The following GPR155 variants were observed in gnomAD, a reference collection of about 807,000 sequenced individuals.
GPR155 encodes G protein-coupled receptor 155.
Under a neutral mutation model 93.1 loss-of-function variants are expected in GPR155, and 65 were observed. That is an observed-to-expected ratio of 0.70 (90% CI 0.57 to 0.86). The LOEUF is 0.86. GPR155 is among the 40% of genes least tolerant of loss of function. The pLI is 0.00. For synonymous variants in GPR155, 319 were observed against 360.1 expected, an observed-to-expected ratio of 0.89 and a Z score of 1.29; for missense variants, 838 against 1,034.8, an observed-to-expected ratio of 0.81 and a Z score of 2.61.
chr2:174,447,466 ATTATG>A lies in GPR155; in HGVS notation c.1877-724_1877-720del, dbSNP rs986245185. ...ATATATAATTATATAACAATTATAT[ATTATG>A]TTATAAATGTATATTATATATCAGT... On this transcript the variant is annotated intron_variant, in intron 11 of 15. Coordinates refer to ENST00000392552, the MANE Select transcript of GPR155 (RefSeq NM_152529.7). 2.9e-3 allele frequency among the ~76,000 whole-genome samples: 426 copies of A among 146,338 alleles called. 2 individuals carry two copies. The highest frequency in any genetic ancestry group is 9.6e-3 in the African/African-American group (392 of 40,660).
chr2:174,478,506 C>T (rs1047536332), intron 2 of GPR155, among the ~76,000 whole-genome samples: 3 of 152,198 alleles, frequency 2.0e-5, no homozygotes, highest in African/African-American at 4.8e-5. Context: ...AGGCATGAGC[C>T]ACCATGTCCA....
chr2:174,483,812 C>T (rs1688397410), intron 1 of GPR155, among the ~76,000 whole-genome samples: 1 of 152,058 alleles, frequency 6.6e-6, no homozygotes, highest in South Asian at 2.1e-4. Flanking sequence ...CTCAAACTCC[C>T]AACCTCAGGT....
At chr2:174,484,190 T>C (rs1399724648) in intron 1 of GPR155, among the ~76,000 whole-genome samples, 2 of 152,226 alleles carry the variant, frequency 1.3e-5, no homozygotes, top group African/African-American at 2.4e-5. Context: ...GTGGTCAATA[T>C]AGTACATGAA....
intron 15 of GPR155, among the ~76,000 whole-genome samples, chr2:174,437,772 C>T (rs565050288): frequency 2.0e-5 from 3 of 151,488 alleles, no homozygotes; most frequent in East Asian, 2.0e-4. Context: ...TTAGTAGAGA[C>T]GGGATTTCTC....
At chr2:174,449,757 C>T (rs746508331) in intron 11 of GPR155, among the ~76,000 whole-genome samples, 14 of 152,154 alleles carry the variant, frequency 9.2e-5, no homozygotes, top group Non-Finnish European at 1.6e-4. Flanking sequence ...GGGCAGATCA[C>T]CTGAGGTCAG....
Position 174,445,238 on chromosome 2 carries a change from A to G in GPR155, c.2014-62T>C, listed in dbSNP as rs1023376702. The G allele has an allele frequency of 8.2e-5, 64 of 782,748 alleles. No individual in the cohort carries two copies. In the African/African-American group the frequency reaches 9.4e-4, roughly 12 times the overall value. 48.5% of individuals were successfully genotyped at this position (782,748 alleles called of 1,614,324 possible). On this transcript the variant is annotated intron_variant, in intron 12 of 15. Coordinates refer to ENST00000392552, the MANE Select transcript of GPR155 (RefSeq NM_152529.7). ...GCAAGCTGATAATTCCTCTCCATCC[A>G]CAGCATAGTACAATAACTTACCTAC...
intron 7 of GPR155, among the ~76,000 whole-genome samples, chr2:174,463,178 G>A (rs1474061282): frequency 1.4e-5 from 2 of 146,626 alleles, no homozygotes; most frequent in Non-Finnish European, 3.0e-5. Flanking sequence ...CAACCAACAT[G>A]CAGTCTCATG....
At chr2:174,457,468 T>G (rs577795880) in intron 10 of GPR155, among the ~76,000 whole-genome samples, 26 of 152,278 alleles carry the variant, frequency 1.7e-4, no homozygotes, top group African/African-American at 5.8e-4. Context: ...TGTCTTAGAC[T>G]TTTTTTGAGA....
intron 15 of GPR155, among the ~76,000 whole-genome samples, chr2:174,439,680 T>C (rs1401412898): frequency 6.6e-6 from 1 of 152,208 alleles, no homozygotes; most frequent in Admixed American, 6.5e-5. Flanking sequence ...AGAAGTTATA[T>C]GACATTTTTA....
In GPR155 at chr2:174,472,979, G is replaced by T; in HGVS notation, c.846C>A (p.Leu282=). The T allele has an allele frequency of 6.3e-7, 1 of 1,584,536 alleles. No homozygotes were observed. ...GTGATGCTTACAGTTTAGCTGTGAT[G>T]AGAAGAATTAGTACTACAAATGCCG... ...KKSAFVVLIL[L]ITAKLLVLPL... Residue 282 remains leucine (L), a synonymous_variant, in exon 3 of 16, where the codon CTC becomes CTA. Coordinates refer to ENST00000392552, the MANE Select transcript of GPR155 (RefSeq NM_152529.7).
At chr2:174,485,560 GC>G (rs1688452546) in intron 1 of GPR155, among the ~76,000 whole-genome samples, 1 of 148,048 alleles carries the variant, frequency 6.8e-6, no homozygotes, top group Non-Finnish European at 1.5e-5. Context: ...TCCTGCCATT[GC>G]CCTCCAGCCT....
chr2:174,446,739 A>G lies in GPR155; in HGVS notation c.1885T>C (p.Cys629Arg). Residue 629 changes from cysteine to arginine, a missense_variant, in exon 12 of 16, where the codon TGT becomes CGT. By Grantham distance (180) the Cys-to-Arg change is radical. Coordinates refer to ENST00000392552, the MANE Select transcript of GPR155 (RefSeq NM_152529.7). ...CTCTGGGAGTTACAGCGACTCACAC[A>G]ATGATTGTCTATAAAAGAGTAAGCA... is the stretch of plus-strand genomic sequence containing the variant. The part of the protein sequence containing the change: ...VIPSFEKNNH[C>R]VSRCNSQSCI... 3 of 1,613,758 alleles carry G rather than the reference A, an allele frequency of 1.9e-6. No homozygotes were observed. The highest frequency in any genetic ancestry group is 2.5e-6 in the Non-Finnish European group (3 of 1,179,842).
At position 174,476,177 on chromosome 2, in the gene GPR155, C is replaced by A. The variant is rs545807237; in HGVS notation, c.461-2813G>T. ...AAAATTAGATTACTTCATGTGTTTA[C>A]CAACCAACATTCTCTTGGATTTTCT... On this transcript the variant is annotated intron_variant, in intron 2 of 15. Transcript: ENST00000392552. Among the ~76,000 whole-genome samples the A allele has an allele frequency of 2.2e-4, 33 of 152,306 alleles. No homozygotes were observed. The South Asian group carries it at 5.4e-3, about 25-fold the overall frequency.
chr2:174,483,390 C>T (rs1688385612), intron 1 of GPR155, among the ~76,000 whole-genome samples: 1 of 151,918 alleles, frequency 6.6e-6, no homozygotes, highest in Admixed American at 6.6e-5. Flanking sequence ...TTAAAAAATA[C>T]AAAATGTTTT....
intron 10 of GPR155, among the ~76,000 whole-genome samples, chr2:174,458,583 C>T (rs886600155): frequency 7.2e-5 from 11 of 152,172 alleles, no homozygotes; most frequent in Non-Finnish European, 1.0e-4. Flanking sequence ...TTGGCCTCTC[C>T]TGTTTATCCA....
intron 11 of GPR155, among the ~76,000 whole-genome samples, chr2:174,451,258 G>C (rs1220210231): frequency 6.6e-6 from 1 of 151,478 alleles, no homozygotes; most frequent in African/African-American, 2.4e-5. Context: ...AGGTTGCAGT[G>C]AGCCAAGACT....
intron 2 of GPR155, among the ~76,000 whole-genome samples, chr2:174,475,693 T>G (rs980383309): frequency 1.2e-4 from 19 of 152,308 alleles, no homozygotes; most frequent in Non-Finnish European, 2.5e-4. Context: ...GGCTTCATCT[T>G]TTAAACAAAA....
At chr2:174,448,783 C>T (rs896858821) in intron 11 of GPR155, among the ~76,000 whole-genome samples, 2 of 151,648 alleles carry the variant, frequency 1.3e-5, no homozygotes, top group African/African-American at 2.4e-5. Context: ...ATGATCCACC[C>T]GCCTCGGCCT....
chr2:174,475,983 G>C (rs551363338), intron 2 of GPR155, among the ~76,000 whole-genome samples: 1 of 152,164 alleles, frequency 6.6e-6, no homozygotes, highest in South Asian at 2.1e-4. Flanking sequence ...TACTTTCCTG[G>C]CACACTAGCA....
Sources: allele counts gnomAD v4.1 joint callset (sites outside exome capture counted in the v4.1 genomes callset), GRCh38; gene constraint gnomAD v4.1.1; transcripts MANE v1.5; gene names NCBI Gene and HGNC (gene_info 2026-07-23, HGNC 2026-07-21).